GSE1: variants seen among roughly 807,000 people sequenced by gnomAD.
The protein encoded by GSE1 is Gse1 coiled-coil protein.
In GSE1, 32 loss-of-function variants were observed where a neutral mutation model predicts 112.6. That is an observed-to-expected ratio of 0.28 (90% CI 0.21 to 0.38). The LOEUF (loss-of-function observed/expected upper bound fraction) is 0.38, where lower values mean the gene tolerates loss of function less well. Ranked by LOEUF, GSE1 falls within the 10% of genes least tolerant of loss-of-function variation. GSE1 has a pLI of 1.00. For synonymous variants in GSE1, 1,115 were observed against 735.6 expected (o/e 1.52, Z -8.35); for missense variants, 2,348 against 1,699.2 (o/e 1.38, Z -6.71).
intron 1 of GSE1, among the ~76,000 whole-genome samples, chr16:85,264,954 T>C (rs1462992200): frequency 6.6e-6 from 1 of 152,140 alleles, no homozygotes; most frequent in Admixed American, 6.5e-5. Context: ...CTCAGTTTTC[T>C]CCTCTGAGAA....
chr16:85,266,919 A>G (rs1215999607), intron 1 of GSE1, among the ~76,000 whole-genome samples: 1 of 152,054 alleles, frequency 6.6e-6, no homozygotes, highest in East Asian at 1.9e-4. Context: ...TTGGTCCCCC[A>G]TTTCTGGACA....
chr16:85,540,412 G>T (rs1168198206), intron 2 of GSE1, among the ~76,000 whole-genome samples: 1 of 152,132 alleles, frequency 6.6e-6, no homozygotes, highest in Non-Finnish European at 1.5e-5. Context: ...TTGTGGGGAG[G>T]GTCTCCTATC....
At chr16:85,618,410 C>A (rs1038522399) in intron 1 of GSE1, among the ~76,000 whole-genome samples, 2 of 152,174 alleles carry the variant, frequency 1.3e-5, no homozygotes, top group African/African-American at 4.8e-5. Flanking sequence ...AGGCCTGGAG[C>A]GTGGGGTGAG....
intron 2 of GSE1, among the ~76,000 whole-genome samples, chr16:85,394,587 A>G (rs1193119462): frequency 6.6e-6 from 1 of 152,012 alleles, no homozygotes; most frequent in Non-Finnish European, 1.5e-5. Context: ...GCCCCCGCGC[A>G]CACACACACG....
intron 1 of GSE1, among the ~76,000 whole-genome samples, chr16:85,584,475 A>G (rs1469369174): frequency 6.6e-6 from 1 of 152,250 alleles, no homozygotes; most frequent in East Asian, 1.9e-4. Context: ...TGATCCATCA[A>G]TAGTGAATGT....
chr16:85,331,365 G>GTA (rs1169859492), intron 1 of GSE1, among the ~76,000 whole-genome samples: 4,671 of 100,942 alleles, frequency 0.046, 538 homozygotes, highest in East Asian at 0.062. Context: ...GTGTGTGTGT[G>GTA]TATATATGTA....
chr16:85,373,631 A>G lies in GSE1; in HGVS notation c.2464+15988A>G, dbSNP rs1391069877. On this transcript the variant is annotated intron_variant, in intron 2 of 2. Coordinates refer to the GSE1 transcript ENST00000637419. The surrounding 1 kb of genome is among the most constrained non-coding windows in gnomAD (Gnocchi z 5.1). ...TGGAGTGAGTGTCTGGGAGGGCCAC[A>G]GGTATGCTGGCCACGGCCTGGAAGA... Among the ~76,000 whole-genome samples, 2 of 152,100 alleles carry G rather than the reference A, an allele frequency of 1.3e-5. No individual in the cohort carries two copies. The highest frequency in any genetic ancestry group is 4.8e-5 in the African/African-American group (2 of 41,396).
intron 1 of GSE1, among the ~76,000 whole-genome samples, chr16:85,602,756 A>G (rs528188366): frequency 6.6e-6 from 1 of 152,248 alleles, no homozygotes; most frequent in East Asian, 1.9e-4. Context: ...CGGGCTTTTG[A>G]GTGAATCACC....
chr16:85,317,546 C>T (rs1597379503), intron 1 of GSE1, among the ~76,000 whole-genome samples: 1 of 152,160 alleles, frequency 6.6e-6, no homozygotes, highest in African/African-American at 2.4e-5. Context: ...AGCCCTGCTG[C>T]CCACAGTGAG....
intron 2 of GSE1, among the ~76,000 whole-genome samples, chr16:85,404,128 G>GCCCCCC: frequency 2.7e-5 from 3 of 112,518 alleles, no homozygotes; most frequent in Non-Finnish European, 5.9e-5. Flanking sequence ...TTACACTCAG[G>GCCCCCC]GCCCCCCTGG....
At chr16:85,397,737 G>T (rs1361388558) in intron 2 of GSE1, among the ~76,000 whole-genome samples, 2 of 152,210 alleles carry the variant, frequency 1.3e-5, no homozygotes. Flanking sequence ...CGCTTCCCTG[G>T]GGACTGGTGG....
chr16:85,580,401 C>T (rs73269279), intron 1 of GSE1, among the ~76,000 whole-genome samples: 1 of 152,034 alleles, frequency 6.6e-6, no homozygotes, highest in Admixed American at 6.5e-5. Context: ...TGAAGGCTGG[C>T]CAGCATCCGA....
intron 1 of GSE1, among the ~76,000 whole-genome samples, chr16:85,623,237 CAG>C (rs1355020829): frequency 2.1e-5 from 3 of 141,282 alleles, no homozygotes; most frequent in African/African-American, 5.3e-5. Flanking sequence ...TTTTTTGAGA[CAG>C]GGTCTCGCTC....
At chr16:85,421,495 A>C (rs965037658) in intron 2 of GSE1, among the ~76,000 whole-genome samples, 2 of 152,248 alleles carry the variant, frequency 1.3e-5, no homozygotes, top group African/African-American at 4.8e-5. Flanking sequence ...GCTCAGCCCA[A>C]GCTGGGTCTC....
intron 2 of GSE1, among the ~76,000 whole-genome samples, chr16:85,496,262 C>T (rs2051173980): frequency 6.6e-6 from 1 of 152,258 alleles, no homozygotes; most frequent in Non-Finnish European, 1.5e-5. Context: ...AGGCCGTCGT[C>T]AGGGATGAGC....
intron 1 of GSE1, among the ~76,000 whole-genome samples, chr16:85,183,122 C>T (rs1393805787): frequency 6.6e-6 from 1 of 152,188 alleles, no homozygotes; most frequent in African/African-American, 2.4e-5. Context: ...TGTACCCTCA[C>T]CCCCTCACCG....
At chr16:85,550,109 C>T (rs1359402554) in intron 2 of GSE1, among the ~76,000 whole-genome samples, 3 of 152,112 alleles carry the variant, frequency 2.0e-5, no homozygotes, top group African/African-American at 7.2e-5. Flanking sequence ...AGGGGTGATT[C>T]GCCTCATTTT....
chr16:85,670,322 C>T (rs1375854560), intron 14 of GSE1, among the ~76,000 whole-genome samples: 2 of 152,190 alleles, frequency 1.3e-5, no homozygotes, highest in Non-Finnish European at 2.9e-5. Context: ...GTCTGTGAAA[C>T]TTTAAAGCAT....
At chr16:85,633,225 AC>A (rs1288057535) in intron 1 of GSE1, among the ~76,000 whole-genome samples, 1 of 151,774 alleles carries the variant, frequency 6.6e-6, no homozygotes, top group Non-Finnish European at 1.5e-5. Flanking sequence ...GTTCTTCCCC[AC>A]CGCTCCCTGT....
Sources: gnomAD v4.1 joint callset for allele counts (sites outside exome capture counted in the v4.1 genomes callset) on GRCh38, gnomAD v4.1.1 for gene constraint, Gnocchi (gnomAD v3.1) non-coding constraint, MANE v1.5 for transcripts, NCBI Gene and HGNC (gene_info 2026-07-23, HGNC 2026-07-21) for gene names.